The following P4HA1 variants were observed in gnomAD, a reference collection of about 807,000 sequenced individuals.
The protein encoded by P4HA1 is prolyl 4-hydroxylase subunit alpha 1, also known as prolyl 4-hydroxylase subunit alpha-1.
A neutral mutation model predicts 72.8 loss-of-function variants in P4HA1; 24 were observed. The ratio of observed to expected loss-of-function variants is 0.33; its 90% CI spans 0.24 to 0.46. P4HA1 has a LOEUF of 0.46. P4HA1 is among the 20% of genes least tolerant of loss of function. P4HA1 has a pLI of 1.00. For synonymous variants in P4HA1, 201 were observed against 218.8 expected (o/e 0.92, Z 0.72); for missense variants, 446 against 640.6 (o/e 0.70, Z 3.28).
chr10:73,069,732 A>G (rs1382879342), intron 4 of P4HA1, among the ~76,000 whole-genome samples: 1 of 152,206 alleles, frequency 6.6e-6, no homozygotes, highest in African/African-American at 2.4e-5. Context: ...TAAAATTTTA[A>G]TATCAGTATC....
At chr10:73,041,652 T>C (rs571409920) in intron 9 of P4HA1, among the ~76,000 whole-genome samples, 2 of 152,136 alleles carry the variant, frequency 1.3e-5, no homozygotes, top group East Asian at 3.9e-4. Context: ...ATCCTTATCC[T>C]GAGACACAGA....
Position 73,044,291 on chromosome 10 carries a change from G to GA in P4HA1, c.1148+689dup, listed in dbSNP as rs1012874917. 3.3e-5 allele frequency among the ~76,000 whole-genome samples: 5 copies of GA among 151,126 alleles called. No homozygotes were observed. In the South Asian group the frequency reaches 6.3e-4, roughly 19 times the overall value. On this transcript the variant is annotated intron_variant, in intron 9 of 14. Transcript: ENST00000394890. ...GATCTAGAAGTTATTTAAATATTTTGAAAAAAAATAGTAGACTCCTTAAAT... is the reference window on the plus strand; with the variant it reads ...GATCTAGAAGTTATTTAAATATTTTGAAAAAAAAATAGTAGACTCCTTAAAT...
intron 5 of P4HA1, among the ~76,000 whole-genome samples, chr10:73,063,234 T>C (rs997076273): frequency 6.6e-6 from 1 of 152,114 alleles, no homozygotes; most frequent in Non-Finnish European, 1.5e-5. Context: ...CACCAGCGGG[T>C]TCAATTGTCT....
chr10:73,029,415 C>CAAAAAA (rs769323241), intron 10 of P4HA1, among the ~76,000 whole-genome samples: 2 of 56,932 alleles, frequency 3.5e-5, no homozygotes, highest in Admixed American at 2.0e-4. Flanking sequence ...GACTCCATCT[C>CAAAAAA]AAAAAAAAAA....
rs1321339701 is a variant in P4HA1 at position 73,044,011 on chromosome 10, CT to C, written c.1148+969del. On this transcript the variant is annotated intron_variant, in intron 9 of 14. Coordinates refer to ENST00000394890, the MANE Select transcript of P4HA1 (RefSeq NM_001017962.3). ...TACTCCAGTAGCAGGCAATTTTGGG[CT>C]TTTTGTTTGTTTTGTTTTGCCAAGC... The C allele has an allele frequency of 2.1e-6, 3 of 1,410,192 alleles. No homozygotes were observed. The African/African-American group carries it at 4.3e-5, about 20-fold the overall frequency. 87.4% of individuals were successfully genotyped at this position (1,410,192 alleles called of 1,614,324 possible).
At chr10:73,017,171 GTA>G (rs941596383) in intron 10 of P4HA1, among the ~76,000 whole-genome samples, 1 of 133,420 alleles carries the variant, frequency 7.5e-6, no homozygotes, top group Non-Finnish European at 1.5e-5. Flanking sequence ...ATCTACAGAT[GTA>G]TATATAGATA....
chr10:73,025,696 T>C (rs1210110590), intron 10 of P4HA1, among the ~76,000 whole-genome samples: 3 of 152,144 alleles, frequency 2.0e-5, no homozygotes, highest in African/African-American at 7.2e-5. Context: ...GATGACATGA[T>C]TGTATATTTA....
At chr10:73,040,474 G>GA (rs901331610) in intron 9 of P4HA1, among the ~76,000 whole-genome samples, 1 of 143,326 alleles carries the variant, frequency 7.0e-6, no homozygotes, top group African/African-American at 2.8e-5. Flanking sequence ...TCGAATTCAT[G>GA]AATTTTTTTT....
chr10:73,037,170 T>C (rs1218415270), intron 9 of P4HA1, among the ~76,000 whole-genome samples: 5 of 152,048 alleles, frequency 3.3e-5, no homozygotes, highest in Admixed American at 3.3e-4. Context: ...TTTATATGTG[T>C]CCTTTTTTTT....
At chr10:73,056,668 C>T (rs184430288) in intron 5 of P4HA1, among the ~76,000 whole-genome samples, 22 of 151,830 alleles carry the variant, frequency 1.4e-4, no homozygotes, top group Admixed American at 2.6e-4. Context: ...ATAAAAAATA[C>T]CCCAACAAAG....
chr10:73,012,399 C>T (rs1355862665), intron 12 of P4HA1, among the ~76,000 whole-genome samples: 2 of 152,196 alleles, frequency 1.3e-5, no homozygotes, highest in East Asian at 3.8e-4. Context: ...ACCTCTAAGA[C>T]TCACCTCTAG....
At chr10:73,076,566 C>T (rs1242793084) in intron 1 of P4HA1, among the ~76,000 whole-genome samples, 1 of 151,654 alleles carries the variant, frequency 6.6e-6, no homozygotes, top group African/African-American at 2.4e-5. Flanking sequence ...TAGTGTTTTT[C>T]CTCTATATCC....
chr10:73,048,122 A>G (rs1431325768), intron 7 of P4HA1, among the ~76,000 whole-genome samples: 1 of 152,220 alleles, frequency 6.6e-6, no homozygotes, highest in Non-Finnish European at 1.5e-5. Context: ...TTCAATTATT[A>G]TACTAATAGT....
chr10:73,080,437 C>T (rs1303872208), intron 1 of P4HA1, among the ~76,000 whole-genome samples: 1 of 152,212 alleles, frequency 6.6e-6, no homozygotes, highest in Non-Finnish European at 1.5e-5. Flanking sequence ...GCAAACAACC[C>T]TATGAAATCA....
intron 1 of P4HA1, among the ~76,000 whole-genome samples, chr10:73,077,893 G>A (rs191841508): frequency 1.3e-3 from 191 of 150,848 alleles, no homozygotes; most frequent in Middle Eastern, 7.0e-3. Flanking sequence ...GGAGGCTAAC[G>A]TAGGAGGATC....
intron 10 of P4HA1, among the ~76,000 whole-genome samples, chr10:73,027,821 G>GGA (rs1204819227): frequency 3.0e-5 from 4 of 133,682 alleles, no homozygotes; most frequent in Non-Finnish European, 4.8e-5. Flanking sequence ...AGGAAGGAAG[G>GGA]GAGAGAGAGA....
At chr10:73,048,287 A>G (rs12769591) in intron 7 of P4HA1, among the ~76,000 whole-genome samples, 3,443 of 152,278 alleles carry the variant, frequency 0.023, 50 homozygotes, top group Non-Finnish European at 0.033. Context: ...TTGTTTAGAC[A>G]AAGTCTTGCT....
At chr10:73,053,275 G>T in intron 6 of P4HA1, 76 bp downstream of exon 6, 1 of 1,386,910 alleles carries the variant, frequency 7.2e-7, no homozygotes, top group Non-Finnish European at 9.9e-7. Flanking sequence ...ATATATAAAT[G>T]AGGGAAAGAC....
intron 10 of P4HA1, among the ~76,000 whole-genome samples, chr10:73,028,687 G>A (rs979244163): frequency 4.6e-5 from 7 of 151,616 alleles, no homozygotes; most frequent in East Asian, 2.0e-4. Flanking sequence ...CACCTGGCTC[G>A]GCCTCCCAAA....
Sources: gnomAD v4.1 joint callset for allele counts (sites outside exome capture counted in the v4.1 genomes callset) on GRCh38, gnomAD v4.1.1 for gene constraint, MANE v1.5 for transcripts, NCBI Gene and HGNC (gene_info 2026-07-23, HGNC 2026-07-21) for gene names.